Variants in TSPAN11 observed in about 807,000 individuals in gnomAD.
TSPAN11 encodes tetraspanin 11, also known as tetraspanin-11.
Under a neutral mutation model 32.9 loss-of-function variants are expected in TSPAN11, and 29 were observed. The ratio of observed to expected loss-of-function variants is 0.88; its 90% CI spans 0.66 to 1.20. The LOEUF is 1.20. Among genes scored for constraint, TSPAN11 ranks in the 50% most tolerant of loss-of-function variants. TSPAN11 has a pLI of 0.00. For missense variants in TSPAN11, 283 were observed against 329.1 expected (o/e 0.86, Z 1.08); for synonymous variants, 140 against 141.3 (o/e 0.99, Z 0.07).
downstream of TSPAN11, among the ~76,000 whole-genome samples, chr12:30,998,716 ACAT>A (rs1939449015): frequency 6.6e-6 from 1 of 152,334 alleles, no homozygotes; most frequent in South Asian, 2.1e-4. Context: ...TGCAGTAAGG[ACAT>A]AATAAAGCCA....
intron 3 of TSPAN11, among the ~76,000 whole-genome samples, chr12:30,972,064 T>C (rs35779968): frequency 0.044 from 6,689 of 152,284 alleles, 213 homozygotes; most frequent in Non-Finnish European, 0.064. Context: ...TGAAATGGGA[T>C]AGTTTTTATG....
At chr12:30,945,419 G>A (rs1668774266) in intron 1 of TSPAN11, among the ~76,000 whole-genome samples, 1 of 152,118 alleles carries the variant, frequency 6.6e-6, no homozygotes, top group African/African-American at 2.4e-5. Context: ...GATGCAGCTG[G>A]CCCAGGGCCT....
At chr12:30,952,868 G>A (rs924758286) in intron 1 of TSPAN11, among the ~76,000 whole-genome samples, 1 of 152,156 alleles carries the variant, frequency 6.6e-6, no homozygotes, top group Non-Finnish European at 1.5e-5. Flanking sequence ...AATAAAAAGA[G>A]GTTCCCAAAA....
At chr12:30,946,306 G>C (rs979223882) in intron 1 of TSPAN11, among the ~76,000 whole-genome samples, 1 of 152,112 alleles carries the variant, frequency 6.6e-6, no homozygotes, top group Non-Finnish European at 1.5e-5. Flanking sequence ...AGAAACTTTG[G>C]GGGTAGACCC....
chr12:30,940,460 T>G (rs1464904849), intron 1 of TSPAN11, among the ~76,000 whole-genome samples: 1 of 152,112 alleles, frequency 6.6e-6, no homozygotes, highest in African/African-American at 2.4e-5. Flanking sequence ...GACCCTGGGA[T>G]GTAAGAGCAG....
intron 7 of TSPAN11, among the ~76,000 whole-genome samples, chr12:30,983,455 G>T (rs1025187906): frequency 6.6e-6 from 1 of 152,208 alleles, no homozygotes; most frequent in Non-Finnish European, 1.5e-5. Flanking sequence ...GCACGTGGGG[G>T]TGAGCGTGCA....
chr12:30,930,196 G>A (rs888540110), intron 1 of TSPAN11, among the ~76,000 whole-genome samples: 1 of 152,150 alleles, frequency 6.6e-6, no homozygotes, highest in Non-Finnish European at 1.5e-5. Flanking sequence ...GTTGGGAAGG[G>A]GGCAGCAAAT....
intron 3 of TSPAN11, among the ~76,000 whole-genome samples, chr12:30,973,860 C>A (rs111794345): frequency 6.6e-6 from 1 of 152,190 alleles, no homozygotes; most frequent in Non-Finnish European, 1.5e-5. Flanking sequence ...AGAGTCAACC[C>A]TAACACAAAC....
At chr12:30,973,377 G>A (rs1938892980) in intron 3 of TSPAN11, among the ~76,000 whole-genome samples, 1 of 152,206 alleles carries the variant, frequency 6.6e-6, no homozygotes, top group Non-Finnish European at 1.5e-5. Context: ...TTGTACACGT[G>A]GGCTGTTACT....
chr12:30,995,002 G>A lies in TSPAN11; in HGVS notation c.*3087G>A, dbSNP rs576194649. 1 of 152,152 alleles carries A rather than the reference G, an allele frequency of 6.6e-6. No individual in the cohort carries two copies. Among genetic ancestry groups the A allele is most frequent in the African/African-American group, 2.4e-5 (1 of 41,420 alleles). The allele number at this position is 152,152 out of a possible 1,614,324, so 9.4% of individuals were successfully genotyped here. On this transcript the variant is annotated 3_prime_UTR_variant, in exon 8 of 8. Transcript: ENST00000546076. ...TTAAGGAACAGAGTGTCACTCAGGG[G>A]GCACTGTCACAAAGCAGCACCCATG...
chr12:30,971,037 G>A (rs76354355), intron 3 of TSPAN11, among the ~76,000 whole-genome samples: 1,842 of 152,248 alleles, frequency 0.012, 16 homozygotes, highest in Non-Finnish European at 0.019. Context: ...GAGCCAGCTG[G>A]GAGCCTCGGG....
At chr12:30,952,301 CTT>C (rs936344483) in intron 1 of TSPAN11, among the ~76,000 whole-genome samples, 1 of 152,164 alleles carries the variant, frequency 6.6e-6, no homozygotes, top group African/African-American at 2.4e-5. Flanking sequence ...CACCTGGTCT[CTT>C]GTCAGGACTG....
intron 1 of TSPAN11, among the ~76,000 whole-genome samples, chr12:30,937,272 G>A (rs150712962): frequency 2.3e-3 from 351 of 152,220 alleles, no homozygotes; most frequent in African/African-American, 8.0e-3. Flanking sequence ...AACTTAAGAG[G>A]GAAACAGGAT....
At chr12:30,983,438 T>C (rs1456821336) in intron 7 of TSPAN11, among the ~76,000 whole-genome samples, 1 of 152,110 alleles carries the variant, frequency 6.6e-6, no homozygotes, top group Non-Finnish European at 1.5e-5. Flanking sequence ...ATGCACCCCA[T>C]GTGTGTGCAC....
chr12:30,978,014 A>C (rs1939010292), intron 3 of TSPAN11, among the ~76,000 whole-genome samples: 1 of 152,152 alleles, frequency 6.6e-6, no homozygotes, highest in Non-Finnish European at 1.5e-5. Context: ...CACTCCCTGA[A>C]CACAAATGCC....
At chr12:30,951,208 G>T (rs763343272) in intron 1 of TSPAN11, among the ~76,000 whole-genome samples, 1 of 152,182 alleles carries the variant, frequency 6.6e-6, no homozygotes, top group Non-Finnish European at 1.5e-5. Flanking sequence ...AATGATCCTT[G>T]TAAGAAGTTG....
chr12:31,009,062 A>T, the TSPAN11 span, among the ~76,000 whole-genome samples: 1 of 150,984 alleles, frequency 6.6e-6, no homozygotes, highest in African/African-American at 2.4e-5. Context: ...CTGCCTGCCC[A>T]ATGACTAACA....
At chr12:31,010,989 G>T in the TSPAN11 span, among the ~76,000 whole-genome samples, 1 of 152,266 alleles carries the variant, frequency 6.6e-6, no homozygotes, top group South Asian at 2.1e-4. Flanking sequence ...TAAGAACAAA[G>T]TTCAATGAAC....
chr12:30,970,985 C>A (rs74086345), intron 3 of TSPAN11, among the ~76,000 whole-genome samples: 2,800 of 152,288 alleles, frequency 0.018, 61 homozygotes, highest in East Asian at 0.077. Flanking sequence ...TCTGAGCTCC[C>A]TGACCCTCCC....
Sources: allele counts gnomAD v4.1 joint callset (sites outside exome capture counted in the v4.1 genomes callset), GRCh38; gene constraint gnomAD v4.1.1; transcripts MANE v1.5; gene names NCBI Gene and HGNC (gene_info 2026-07-23, HGNC 2026-07-21).